The following CRYL1 variants were observed in gnomAD, a reference collection of about 807,000 sequenced individuals.
CRYL1 encodes the protein crystallin lambda 1.
A neutral mutation model predicts 36.6 loss-of-function variants in CRYL1; 29 were observed. The observed-to-expected ratio is 0.79, with a 90% CI of 0.59 to 1.08. The LOEUF is 1.08. Ranked by LOEUF, CRYL1 falls within the 50% of genes least tolerant of loss-of-function variation. The pLI, the probability that CRYL1 is intolerant of heterozygous loss-of-function variation, is 0.00. For synonymous variants in CRYL1, 152 were observed against 151.5 expected (o/e 1.00, Z -0.02); for missense variants, 411 against 407.9 (o/e 1.01, Z -0.06).
intron 5 of CRYL1, chr13:20,426,926 C>T: frequency 1.0e-6 from 1 of 985,598 alleles, no homozygotes; most frequent in Non-Finnish European, 1.2e-6. Flanking sequence ...GGGATGACAT[C>T]ATTCCGAAGG....
At chr13:20,517,366 A>T (rs2034017881) in intron 1 of CRYL1, among the ~76,000 whole-genome samples, 1 of 151,618 alleles carries the variant, frequency 6.6e-6, no homozygotes, top group Non-Finnish European at 1.5e-5. Flanking sequence ...AGACCGAGGC[A>T]GGTGGATCAT....
At chr13:20,461,987 A>C (rs1307216921) in intron 3 of CRYL1, among the ~76,000 whole-genome samples, 1 of 93,666 alleles carries the variant, frequency 1.1e-5, no homozygotes, top group Non-Finnish European at 2.1e-5. Context: ...GGGGAGGAGG[A>C]GGCGGGAGGA....
intron 2 of CRYL1, among the ~76,000 whole-genome samples, chr13:20,510,454 A>G (rs749992183): frequency 1.3e-5 from 2 of 152,246 alleles, no homozygotes; most frequent in African/African-American, 2.4e-5. Flanking sequence ...AACTGTGGAG[A>G]CCGTAAAAGG....
chr13:20,413,670 G>C (rs1176703078), intron 5 of CRYL1, among the ~76,000 whole-genome samples: 1 of 152,164 alleles, frequency 6.6e-6, no homozygotes, highest in Non-Finnish European at 1.5e-5. Flanking sequence ...TAGCCTGAAA[G>C]TAATTTTATA....
At chr13:20,431,754 A>G (rs1170914017) in intron 5 of CRYL1, 1 of 1,203,122 alleles carries the variant, frequency 8.3e-7, no homozygotes, top group Non-Finnish European at 1.0e-6. Context: ...GAAAAATTAT[A>G]ACACTGAGGG....
chr13:20,428,719 G>A (rs1168648188), intron 5 of CRYL1, among the ~76,000 whole-genome samples: 2 of 152,168 alleles, frequency 1.3e-5, no homozygotes, highest in African/African-American at 4.8e-5. Context: ...CAGACCCCTG[G>A]AAATTCATAC....
In CRYL1 at chr13:20,493,351, G is replaced by C. The variant is rs528286625; in HGVS notation, c.150-3855C>G. Among the ~76,000 whole-genome samples, 3 of 152,306 alleles carry C rather than the reference G, an allele frequency of 2.0e-5. No homozygotes were observed. In the South Asian group the frequency reaches 6.2e-4, roughly 32 times the overall value. ...CCAAGGGAAGCCTGAGCCCTATAGC[G>C]ACAGGGCGGTCAGAAATGCAGACCC... On this transcript the variant is annotated intron_variant, in intron 2 of 7. Coordinates refer to ENST00000298248, the MANE Select transcript of CRYL1 (RefSeq NM_015974.3).
At chr13:20,482,647 A>AAAACCACACTCCCATTACTGGGCT (rs2033301261) in intron 3 of CRYL1, among the ~76,000 whole-genome samples, 1 of 152,120 alleles carries the variant, frequency 6.6e-6, no homozygotes. Context: ...TCCACTGGGG[A>AAAACCACACTCCCATTACTGGGCT]AAACCACACT....
chr13:20,430,305 C>A, intron 5 of CRYL1: 1 of 985,416 alleles, frequency 1.0e-6, no homozygotes, highest in Non-Finnish European at 1.2e-6. Context: ...CTGTATCCTG[C>A]TAGATTTTGG....
intron 3 of CRYL1, among the ~76,000 whole-genome samples, chr13:20,460,192 AT>A (rs2032778007): frequency 6.6e-6 from 1 of 151,356 alleles, no homozygotes; most frequent in African/African-American, 2.5e-5. Flanking sequence ...GTTGTTTCCT[AT>A]TTTTTGTTAT....
At chr13:20,452,439 A>G (rs2032591401) in intron 3 of CRYL1, among the ~76,000 whole-genome samples, 1 of 152,192 alleles carries the variant, frequency 6.6e-6, no homozygotes. Flanking sequence ...GTTATCAGAG[A>G]AAAAGAAGGG....
At chr13:20,461,973 C>T (rs2137432829) in intron 3 of CRYL1, among the ~76,000 whole-genome samples, 1 of 119,090 alleles carries the variant, frequency 8.4e-6, no homozygotes, top group Non-Finnish European at 1.8e-5. Context: ...GGGAGGGCAG[C>T]CTGGGGGAGG....
intron 3 of CRYL1, among the ~76,000 whole-genome samples, chr13:20,489,143 A>G (rs1254693664): frequency 6.6e-6 from 1 of 152,206 alleles, no homozygotes; most frequent in South Asian, 2.1e-4. Context: ...CCTCACGGAT[A>G]AGGCATTGGT....
At chr13:20,517,830 G>C (rs1253837774) in intron 1 of CRYL1, among the ~76,000 whole-genome samples, 1 of 150,142 alleles carries the variant, frequency 6.7e-6, no homozygotes, top group East Asian at 2.0e-4. Context: ...CAGCTACTCG[G>C]GAGGCTGAGG....
rs150185407 is a variant in CRYL1, at chr13:20,503,069, A to C, written c.149+9374T>G. 3.6e-3 allele frequency among the ~76,000 whole-genome samples: 549 copies of C among 152,340 alleles called. 5 individuals are homozygous for C. Among genetic ancestry groups the C allele is most frequent in the African/African-American group, 0.013 (526 of 41,576 alleles). ...ACTCGGAATCCTGCCGCCCAGAGTC[A>C]AAGTATTAATATTTTGGCTTCTCCC... On this transcript the variant is annotated intron_variant, in intron 2 of 7. Coordinates refer to ENST00000298248, the MANE Select transcript of CRYL1 (RefSeq NM_015974.3).
intron 2 of CRYL1, among the ~76,000 whole-genome samples, chr13:20,492,606 T>G (rs1323317121): frequency 6.6e-6 from 1 of 152,074 alleles, no homozygotes; most frequent in East Asian, 1.9e-4. Flanking sequence ...CCATCATGTC[T>G]CCTTCCTCCT....
chr13:20,505,641 G>A (rs943624248), intron 2 of CRYL1, among the ~76,000 whole-genome samples: 12 of 152,162 alleles, frequency 7.9e-5, no homozygotes, highest in Non-Finnish European at 1.3e-4. Context: ...GACACTGGGG[G>A]TGTGATGTAT....
At chr13:20,462,743 C>G (rs565752020) in intron 3 of CRYL1, among the ~76,000 whole-genome samples, 3 of 151,766 alleles carry the variant, frequency 2.0e-5, no homozygotes, top group African/African-American at 7.3e-5. Context: ...TCTCCTAAAG[C>G]AGCAGGCATA....
intron 3 of CRYL1, among the ~76,000 whole-genome samples, chr13:20,449,382 C>G (rs766265020): frequency 9.9e-5 from 15 of 151,950 alleles, no homozygotes; most frequent in Admixed American, 6.5e-4. Context: ...ATGGTTATTA[C>G]TAAAGTTTTA....
Sources: gnomAD v4.1 joint callset for allele counts (sites outside exome capture counted in the v4.1 genomes callset) on GRCh38, gnomAD v4.1.1 for gene constraint, MANE v1.5 for transcripts, NCBI Gene and HGNC (gene_info 2026-07-23, HGNC 2026-07-21) for gene names.